The following NRG3 variants were observed in gnomAD, a reference collection of about 807,000 sequenced individuals.
The protein encoded by NRG3 is neuregulin 3.
Under a neutral mutation model 66.9 loss-of-function variants are expected in NRG3, and 31 were observed. The observed-to-expected ratio is 0.46, with a 90% CI of 0.35 to 0.63. The LOEUF (loss-of-function observed/expected upper bound fraction) is 0.63, where lower values mean the gene tolerates loss of function less well. Ranked by LOEUF, NRG3 falls within the 20% of genes least tolerant of loss-of-function variation. The pLI is 0.00. For missense variants in NRG3, 910 were observed against 878.9 expected, an observed-to-expected ratio of 1.04 and a Z score of -0.45; for synonymous variants, 393 against 359.4, an observed-to-expected ratio of 1.09 and a Z score of -1.06.
chr10:82,235,985 C>T (rs1024685787), intron 1 of NRG3, among the ~76,000 whole-genome samples: 5 of 151,856 alleles, frequency 3.3e-5, no homozygotes, highest in Non-Finnish European at 7.4e-5. Context: ...CACATAGACA[C>T]GCACACACAC....
At chr10:82,561,875 T>A (rs981760005) in intron 2 of NRG3, among the ~76,000 whole-genome samples, 7 of 152,180 alleles carry the variant, frequency 4.6e-5, no homozygotes, top group African/African-American at 1.7e-4. Context: ...GAAAGATTTT[T>A]AACCATCATA....
At chr10:82,526,706 G>A (rs1196970470) in intron 2 of NRG3, among the ~76,000 whole-genome samples, 1 of 151,704 alleles carries the variant, frequency 6.6e-6, no homozygotes, top group Non-Finnish European at 1.5e-5. Context: ...ATATTCACCT[G>A]GTAACAGTTT....
chr10:81,960,673 C>T (rs7101244), intron 1 of NRG3, among the ~76,000 whole-genome samples: 17,648 of 151,032 alleles, frequency 0.12, 1,634 homozygotes, highest in African/African-American at 0.26. Context: ...AAGAGACATA[C>T]GAGATTTCCT....
chr10:82,962,726 C>T (rs561705884), intron 6 of NRG3, among the ~76,000 whole-genome samples: 1 of 152,026 alleles, frequency 6.6e-6, no homozygotes, highest in Non-Finnish European at 1.5e-5. Flanking sequence ...GTAATTCCAG[C>T]TACTCGGGAG....
chr10:82,058,239 T>G (rs2063953182), intron 1 of NRG3, among the ~76,000 whole-genome samples: 1 of 151,970 alleles, frequency 6.6e-6, no homozygotes, highest in Non-Finnish European at 1.5e-5. Context: ...GCAAGTTATT[T>G]TTTTCCCTAG....
chr10:82,505,981 C>T (rs1369945725), intron 2 of NRG3, among the ~76,000 whole-genome samples: 1 of 152,252 alleles, frequency 6.6e-6, no homozygotes, highest in Non-Finnish European at 1.5e-5. Flanking sequence ...AGGCGCGTGG[C>T]TCACGCCTGT....
intron 1 of NRG3, among the ~76,000 whole-genome samples, chr10:82,246,240 C>G (rs951234235): frequency 1.3e-5 from 2 of 152,082 alleles, no homozygotes; most frequent in African/African-American, 4.8e-5. Context: ...GACCATCTCC[C>G]TTATCTGAAG....
chr10:82,428,159 T>C (rs1471183313), intron 2 of NRG3, among the ~76,000 whole-genome samples: 2 of 151,922 alleles, frequency 1.3e-5, no homozygotes, highest in African/African-American at 4.8e-5. Flanking sequence ...TTTTGTTTTG[T>C]TGAGTTTCTC....
rs879346898 is a variant in NRG3 at position 82,686,165 on chromosome 10, G to A, written c.954-52412G>A. 2.1e-5 allele frequency among the ~76,000 whole-genome samples: 3 copies of A among 145,694 alleles called. No homozygotes were observed. The East Asian group carries it at 6.2e-4, about 30-fold the overall frequency. ...TATTATGTACTGTACAGAATTGTAT[G>A]TGCTATGCTTTCTTTTTTTTTTTTA... On this transcript the variant is annotated intron_variant, in intron 2 of 8. Transcript: ENST00000372141.
chr10:82,311,918 T>C (rs542758921), intron 1 of NRG3, among the ~76,000 whole-genome samples: 1 of 152,304 alleles, frequency 6.6e-6, no homozygotes, highest in East Asian at 1.9e-4. Flanking sequence ...TTCAACCACC[T>C]CATCGTGATT....
At chr10:82,976,191 G>C (rs1042791923) in intron 7 of NRG3, among the ~76,000 whole-genome samples, 21 of 152,074 alleles carry the variant, frequency 1.4e-4, no homozygotes, top group African/African-American at 4.8e-4. Context: ...GAGTAGCTGG[G>C]ACTACAGGCA....
chr10:82,936,434 A>T (rs1848071338), intron 4 of NRG3, among the ~76,000 whole-genome samples: 1 of 152,176 alleles, frequency 6.6e-6, no homozygotes, highest in Non-Finnish European at 1.5e-5. Flanking sequence ...AATGATGGTT[A>T]TGAGAGGCCA....
intron 4 of NRG3, among the ~76,000 whole-genome samples, chr10:82,867,780 G>T (rs1840900220): frequency 6.6e-6 from 1 of 152,184 alleles, no homozygotes; most frequent in Non-Finnish European, 1.5e-5. Context: ...AAGAGGAGTA[G>T]ATAGCTGAGT....
intron 1 of NRG3, among the ~76,000 whole-genome samples, chr10:82,207,645 T>A (rs2075185793): frequency 6.6e-6 from 1 of 152,174 alleles, no homozygotes; most frequent in Non-Finnish European, 1.5e-5. Flanking sequence ...AGAGGTTTAA[T>A]TGACTCACAA....
At chr10:82,436,037 T>C (rs2090118749) in intron 2 of NRG3, among the ~76,000 whole-genome samples, 1 of 152,178 alleles carries the variant, frequency 6.6e-6, no homozygotes, top group Non-Finnish European at 1.5e-5. Flanking sequence ...GAGAGTTCTG[T>C]AGACATCTAC....
At position 82,517,188 on chromosome 10, in the gene NRG3, C is replaced by T. The variant is rs563869014; in HGVS notation, c.953+158320C>T. 1.4e-4 allele frequency among the ~76,000 whole-genome samples: 22 copies of T among 151,808 alleles called. No individual in the cohort carries two copies. In the South Asian group the frequency reaches 3.3e-3, roughly 23 times the overall value. On this transcript the variant is annotated intron_variant, in intron 2 of 8. Coordinates refer to ENST00000372141, the MANE Select transcript of NRG3 (RefSeq NM_001010848.4). Reference sequence around the variant, plus strand: ...TTGTCCAGTTATTCTTCTAGGTCTCCGTGGAAATTTCTTTCTTTTATAGAT... The same window carrying T: ...TTGTCCAGTTATTCTTCTAGGTCTCTGTGGAAATTTCTTTCTTTTATAGAT...
At chr10:82,737,256 G>C (rs963302904) in intron 2 of NRG3, among the ~76,000 whole-genome samples, 1 of 152,124 alleles carries the variant, frequency 6.6e-6, no homozygotes, top group African/African-American at 2.4e-5. Context: ...ATCCACTCTA[G>C]AGTGCCAGGC....
At chr10:82,143,008 A>T (rs1180491325) in intron 1 of NRG3, among the ~76,000 whole-genome samples, 2 of 148,486 alleles carry the variant, frequency 1.3e-5, no homozygotes, top group Non-Finnish European at 1.5e-5. Context: ...GGCTCAAGCG[A>T]TCCTCCTGCC....
At chr10:82,940,052 C>G (rs1157081569) in intron 4 of NRG3, among the ~76,000 whole-genome samples, 1 of 152,032 alleles carries the variant, frequency 6.6e-6, no homozygotes, top group Admixed American at 6.5e-5. Context: ...CCTTGAGGGG[C>G]TTTTGAGAAA....
Sources: allele counts gnomAD v4.1 joint callset (sites outside exome capture counted in the v4.1 genomes callset), GRCh38; gene constraint gnomAD v4.1.1; transcripts MANE v1.5; gene names NCBI Gene and HGNC (gene_info 2026-07-23, HGNC 2026-07-21).